The following RSPH14 variants were observed in gnomAD, a reference collection of about 807,000 sequenced individuals.
The protein encoded by RSPH14 is rhabdoid tumor deletion region gene 1.
A neutral mutation model predicts 26.7 loss-of-function variants in RSPH14; 20 were observed. That is an observed-to-expected ratio of 0.75 (90% CI 0.53 to 1.09). RSPH14 has a LOEUF of 1.09. Ranked by LOEUF, RSPH14 falls within the 50% of genes least tolerant of loss-of-function variation. The pLI is 0.00. For missense variants in RSPH14, 449 were observed against 457.2 expected, an observed-to-expected ratio of 0.98 and a Z score of 0.16; for synonymous variants, 177 against 189.3, an observed-to-expected ratio of 0.93 and a Z score of 0.53.
intron 4 of RSPH14, among the ~76,000 whole-genome samples, chr22:23,119,362 G>A (rs1231128544): frequency 1.3e-5 from 2 of 152,150 alleles, no homozygotes; most frequent in East Asian, 1.9e-4. Flanking sequence ...TCTAGGTTTG[G>A]CCTCCTCTCA....
chr22:23,123,824 A>G (rs1363118116), intron 4 of RSPH14: 6 of 236,894 alleles, frequency 2.5e-5, no homozygotes, highest in Non-Finnish European at 5.0e-5. Context: ...GAGGCAAGGT[A>G]GGCCAACTGC....
intron 4 of RSPH14, among the ~76,000 whole-genome samples, chr22:23,090,045 C>A (rs1180083757): frequency 1.3e-5 from 2 of 152,126 alleles, no homozygotes; most frequent in African/African-American, 4.8e-5. Flanking sequence ...CCACACCCTT[C>A]ACGCTGCAAA....
intron 4 of RSPH14, among the ~76,000 whole-genome samples, chr22:23,065,586 T>A (rs555794239): frequency 7.7e-5 from 9 of 117,546 alleles, no homozygotes; most frequent in Admixed American, 5.6e-4. Flanking sequence ...TTAAAACATA[T>A]CCTTTCCAAT....
chr22:23,162,351 C>G, the RSPH14 span: 5 of 318,652 alleles, frequency 1.6e-5, no homozygotes, highest in South Asian at 1.3e-4. Context: ...AGGCAGACTG[C>G]ACAGCTGTCC....
At chr22:23,169,708 C>T in the RSPH14 span, among the ~76,000 whole-genome samples, 118 of 151,918 alleles carry the variant, frequency 7.8e-4, no homozygotes, top group South Asian at 1.2e-3. Context: ...TCCAGGCTGG[C>T]CCCCTGGTGA....
the RSPH14 span, among the ~76,000 whole-genome samples, chr22:23,170,648 G>A: frequency 3.3e-5 from 5 of 151,934 alleles, no homozygotes; most frequent in African/African-American, 7.3e-5. Flanking sequence ...CAGAAGAATT[G>A]CTTGAACCCA....
chr22:23,165,406 C>T, the RSPH14 span, among the ~76,000 whole-genome samples: 4 of 152,196 alleles, frequency 2.6e-5, no homozygotes, highest in Non-Finnish European at 5.9e-5. Flanking sequence ...CCTCACAGGG[C>T]ATCAGCCAGT....
At position 23,061,808 on chromosome 22, in the gene RSPH14, C is replaced by A. The variant is rs767519941; in HGVS notation, c.790+1G>T. ...CCCTGCGGCACCCCCCACCGCCTCA[C>A]CTTCAGTGATCACTGTGGCGAACAT... On this transcript the variant is annotated splice_donor_variant, in intron 6 of 6. Transcript: ENST00000216036. LOFTEE classifies it high-confidence loss of function. The A allele has an allele frequency of 6.2e-7, 1 of 1,613,984 alleles. No individual in the cohort carries two copies. The highest frequency in any genetic ancestry group is 1.1e-5 in the South Asian group (1 of 91,084).
At chr22:23,108,276 A>T (rs540221608) in intron 4 of RSPH14, among the ~76,000 whole-genome samples, 35 of 152,372 alleles carry the variant, frequency 2.3e-4, no homozygotes, top group African/African-American at 8.2e-4. Context: ...AGCAGACAGC[A>T]CTGCTCATAG....
At chr22:23,066,761 G>A (rs941739380) in intron 4 of RSPH14, among the ~76,000 whole-genome samples, 3 of 152,124 alleles carry the variant, frequency 2.0e-5, no homozygotes, top group Non-Finnish European at 2.9e-5. Flanking sequence ...TGGGGGTGGG[G>A]GGTGGTTGCA....
rs546529002 is a variant in RSPH14, at chr22:23,097,506, G to A, written c.422-33373C>T. Among the ~76,000 whole-genome samples, 547 of 152,310 alleles carry A rather than the reference G, an allele frequency of 3.6e-3. 1 individual carries two copies. Among genetic ancestry groups the A allele is most frequent in the Non-Finnish European group, 6.5e-3 (444 of 68,014 alleles). On this transcript the variant is annotated intron_variant, in intron 4 of 6. Coordinates refer to ENST00000216036, the MANE Select transcript of RSPH14 (RefSeq NM_014433.3). The stretch of plus-strand genomic sequence containing the variant: ...GCGGGCTTGCCTCCCTCCCCTCCTC[G>A]CATCAGGGGTCTCCCTGGAACTGTG...
intron 4 of RSPH14, among the ~76,000 whole-genome samples, chr22:23,113,495 C>G (rs1315340541): frequency 6.6e-6 from 1 of 152,260 alleles, no homozygotes; most frequent in Non-Finnish European, 1.5e-5. Context: ...GGGAAGTGAA[C>G]TCAGGAATTC....
Position 23,140,504 on chromosome 22 carries a change from T to C in RSPH14, c.-52-32A>G, listed in dbSNP as rs532515926. On this transcript the variant is annotated intron_variant, in intron 1 of 6. Transcript: ENST00000216036. ...GAGACCAAAAAGCTGTCATTATTTC[T>C]ATTATGATTTAAAAGCTACTTCTCA... The C allele has an allele frequency of 9.8e-6, 15 of 1,526,796 alleles. No individual in the cohort carries two copies. The Admixed American group carries it at 1.7e-4, about 17-fold the overall frequency. The allele number at this position is 1,526,796 out of a possible 1,614,324, so 94.6% of individuals were successfully genotyped here.
At chr22:23,090,711 G>GCC (rs892642797) in intron 4 of RSPH14, among the ~76,000 whole-genome samples, 1 of 152,106 alleles carries the variant, frequency 6.6e-6, no homozygotes, top group African/African-American at 2.4e-5. Flanking sequence ...CAGGAGGCCA[G>GCC]CCCCACCCAC....
At chr22:23,068,328 T>A (rs2146225293) in intron 4 of RSPH14, among the ~76,000 whole-genome samples, 1 of 152,368 alleles carries the variant, frequency 6.6e-6, no homozygotes, top group African/African-American at 2.4e-5. Flanking sequence ...AGAGCCCCAG[T>A]GGGTCTCCTC....
the RSPH14 span, among the ~76,000 whole-genome samples, chr22:23,156,681 G>T: frequency 6.6e-6 from 1 of 152,350 alleles, no homozygotes; most frequent in Non-Finnish European, 1.5e-5. Flanking sequence ...CGGTAGTGGT[G>T]AAAAAGTTAC....
intron 4 of RSPH14, among the ~76,000 whole-genome samples, chr22:23,129,311 C>A (rs2070252292): frequency 6.6e-6 from 1 of 152,168 alleles, no homozygotes; most frequent in African/African-American, 2.4e-5. Flanking sequence ...CTTCTGGGCC[C>A]TTCACAGATC....
At chr22:23,094,338 C>A (rs2069064675) in intron 4 of RSPH14, among the ~76,000 whole-genome samples, 1 of 152,030 alleles carries the variant, frequency 6.6e-6, no homozygotes, top group Admixed American at 6.5e-5. Context: ...AAGCACCCGG[C>A]AAAGTCACAG....
At chr22:23,089,466 C>T (rs1407750942) in intron 4 of RSPH14, among the ~76,000 whole-genome samples, 3 of 152,154 alleles carry the variant, frequency 2.0e-5, no homozygotes, top group East Asian at 3.9e-4. Context: ...TAGCAGCAGG[C>T]TGAGCCTCCA....
Sources: gnomAD v4.1 joint callset for allele counts (sites outside exome capture counted in the v4.1 genomes callset) on GRCh38, gnomAD v4.1.1 for gene constraint, MANE v1.5 for transcripts, NCBI Gene and HGNC (gene_info 2026-07-23, HGNC 2026-07-21) for gene names.